The following NFATC4 variants were observed in gnomAD, a reference collection of about 807,000 sequenced individuals.
NFATC4 encodes the protein nuclear factor of activated T cells 4.
Under a neutral mutation model 73.4 loss-of-function variants are expected in NFATC4, and 25 were observed. That is an observed-to-expected ratio of 0.34 (90% CI 0.25 to 0.48). NFATC4 has a LOEUF of 0.48. NFATC4 is among the 20% of genes least tolerant of loss of function. The pLI, the probability that NFATC4 is intolerant of heterozygous loss-of-function variation, is 0.99. For missense variants in NFATC4, 1,130 were observed against 1,203.7 expected (o/e 0.94, Z 0.91); for synonymous variants, 523 against 510.3 (o/e 1.02, Z -0.34).
intron 5 of NFATC4, 107 bp from the exon 6 acceptor site, chr14:24,374,219 G>A: frequency 7.3e-7 from 1 of 1,379,300 alleles, no homozygotes. Flanking sequence ...CTGCTGAGGA[G>A]GGCTCCCTCA....
chr14:24,375,184 G>A (rs2042578298), intron 6 of NFATC4, among the ~76,000 whole-genome samples: 1 of 152,078 alleles, frequency 6.6e-6, no homozygotes. Context: ...TGGGTTCTGG[G>A]ATTACAGGCA....
At chr14:24,370,916 C>T (rs117727818) in intron 2 of NFATC4, among the ~76,000 whole-genome samples, 4 of 152,198 alleles carry the variant, frequency 2.6e-5, no homozygotes, top group Middle Eastern at 3.2e-3. Flanking sequence ...CCCAAGCCCC[C>T]GCTCTGCACT....
chr14:24,372,675 C>T (rs932577232), intron 3 of NFATC4, 72 bp downstream of exon 3: 1 of 1,575,658 alleles, frequency 6.3e-7, no homozygotes, highest in Admixed American at 1.7e-5. Context: ...AGACACATGG[C>T]ACTGCCCTTT....
chr14:24,370,179 C>G lies in NFATC4; in HGVS notation c.781C>G (p.Arg261Gly). The change falls in exon 2 of 10, where the codon CGG becomes GGG. Residue 261 changes from arginine to glycine, a missense_variant. Physicochemically the swap from Arg to Gly is moderately radical, Grantham distance 125. Coordinates refer to ENST00000250373, the MANE Select transcript of NFATC4 (RefSeq NM_004554.5). Reference sequence around the variant, plus strand: ...TCCTGGGCCCACCCCAGCCTCCCCGCGGCCTGCCTCTCCATGTGGCAAGCG... The same window carrying G: ...TCCTGGGCCCACCCCAGCCTCCCCGGGGCCTGCCTCTCCATGTGGCAAGCG... ...SAPGPTPASPRPASPCGKRRY... is the reference protein window; with the variant it reads ...SAPGPTPASPGPASPCGKRRY... The G allele has an allele frequency of 6.2e-7, 1 of 1,605,552 alleles. No homozygotes were observed. Among genetic ancestry groups the G allele is most frequent in the Non-Finnish European group, 8.5e-7 (1 of 1,179,784 alleles).
chr14:24,376,957 G>A lies in NFATC4; in HGVS notation c.2641+79G>A, dbSNP rs1359911248. 3 of 1,431,120 alleles carry A rather than the reference G, an allele frequency of 2.1e-6. No individual in the cohort carries two copies. Among genetic ancestry groups the A allele is most frequent in the Non-Finnish European group, 2.7e-6 (3 of 1,094,342 alleles). The allele number at this position is 1,431,120 out of a possible 1,614,324, so 88.7% of individuals were successfully genotyped here. On this transcript the variant is annotated intron_variant, in intron 9 of 9. Coordinates refer to ENST00000250373, the MANE Select transcript of NFATC4 (RefSeq NM_004554.5). The surrounding 1 kb of genome is among the most constrained non-coding windows in gnomAD (Gnocchi z 5.0). ...CATGTTTGCTGAGGGCTGGAGCTGG[G>A]CTTTTCAGAGATCGGGCATCCCTGG...
intron 6 of NFATC4, chr14:24,374,749 A>G (rs1334627709): frequency 1.4e-5 from 4 of 280,078 alleles, no homozygotes; most frequent in African/African-American, 2.2e-5. Context: ...TAGATAGGGT[A>G]TATGAGGAGA....
Position 24,373,166 on chromosome 14 carries a change from G to A in NFATC4, c.1360-5G>A. 6.2e-7 allele frequency: 1 copy of A among 1,613,440 alleles called. No individual in the cohort carries two copies. Among genetic ancestry groups the A allele is most frequent in the Non-Finnish European group, 8.5e-7 (1 of 1,179,458 alleles). On this transcript the variant is annotated splice_polypyrimidine_tract_variant and splice_region_variant and intron_variant, in intron 3 of 9. Coordinates refer to ENST00000250373, the MANE Select transcript of NFATC4 (RefSeq NM_004554.5). The surrounding 1 kb of genome is among the most constrained non-coding windows in gnomAD (Gnocchi z 4.7). ...AATGAGGTGGCCGCTCTCTCCCTCT[G>A]CCAGCTCCTAGGCTACAGTGAGAAG...
chr14:24,370,831 TC>T (rs1398504398), intron 2 of NFATC4, among the ~76,000 whole-genome samples: 4 of 152,238 alleles, frequency 2.6e-5, no homozygotes, highest in African/African-American at 7.2e-5. Flanking sequence ...AAAAAGCCCC[TC>T]CACCCTCCCA....
chr14:24,375,757 G>GGGCC, intron 7 of NFATC4, 42 bp downstream of exon 7: 7 of 566,424 alleles, frequency 1.2e-5, no homozygotes, highest in Non-Finnish European at 2.0e-5. Flanking sequence ...GCGGGGGTGG[G>GGGCC]AGAAGGCAGG....
Position 24,373,463 on chromosome 14 carries a change from G to T in NFATC4, c.1559+93G>T. ...AGCCCACTTCTTCCTTTTCCCAGAA[G>T]AGGTAGACATTTTTCCTAGGAGCTG... On this transcript the variant is annotated intron_variant, in intron 4 of 9. Coordinates refer to ENST00000250373, the MANE Select transcript of NFATC4 (RefSeq NM_004554.5). This position sits in a 1 kb window ranked among gnomAD's most constrained non-coding sequence, Gnocchi z 4.7. The T allele has an allele frequency of 6.7e-7, 1 of 1,481,852 alleles. No individual in the cohort carries two copies. The highest frequency in any genetic ancestry group is 1.3e-5 in the South Asian group (1 of 79,672). The allele number at this position is 1,481,852 out of a possible 1,614,324, so 91.8% of individuals were successfully genotyped here. A position where few individuals can be genotyped will look rare whatever the true frequency, so the allele number is the denominator to read the frequency against.
chr14:24,376,813 C>T lies in NFATC4; in HGVS notation c.2576C>T (p.Ser859Phe), dbSNP rs777240043. ...GAGGGGGCTCCGGAGCAGGAGAAATCCAGGGGTGGCTACAGCAGCGGCTTC... is the reference window on the plus strand; with the variant it reads ...GAGGGGGCTCCGGAGCAGGAGAAATTCAGGGGTGGCTACAGCAGCGGCTTC... ...PGEGAPEQEKSRGGYSSGFRD... is the reference protein window; with the variant it reads ...PGEGAPEQEKFRGGYSSGFRD... Residue 859 changes from serine (S) to phenylalanine (F), a missense_variant, in exon 9 of 10, where the codon TCC becomes TTC. Physicochemically the swap from Ser to Phe is radical, Grantham distance 155. This residue lies in a region of NFATC4 where 390 missense variants were observed against 408.1 expected (regional missense o/e 0.96). Transcript: ENST00000250373. The surrounding 1 kb of genome is among the most constrained non-coding windows in gnomAD (Gnocchi z 5.0). 2.5e-6 allele frequency: 4 copies of T among 1,605,830 alleles called. No individual in the cohort carries two copies. In the East Asian group the frequency reaches 8.9e-5, roughly 36 times the overall value.
chr14:24,369,143 A>G, intron 1 of NFATC4: 1 of 1,447,142 alleles, frequency 6.9e-7, no homozygotes, highest in East Asian at 2.5e-5. Context: ...AACCGCTGCT[A>G]ATTGGGTTCA....
intron 7 of NFATC4, 59 bp from the exon 8 acceptor site, chr14:24,375,916 A>G: frequency 1.9e-6 from 3 of 1,609,672 alleles, no homozygotes; most frequent in Non-Finnish European, 2.5e-6. Flanking sequence ...GGCCCCTGGA[A>G]AGGCTGGGCT....
chr14:24,366,943 G>T (rs1044168792), upstream of NFATC4: 4 of 1,549,974 alleles, frequency 2.6e-6, no homozygotes, highest in Non-Finnish European at 3.5e-6. Context: ...TCGCTTAACC[G>T]TTTAGTTGCT....
intron 3 of NFATC4, 192 bp downstream of exon 3, chr14:24,372,795 C>T (rs2042508433): frequency 3.0e-6 from 2 of 672,916 alleles, no homozygotes; most frequent in Non-Finnish European, 5.0e-6. Context: ...GTCCTTCCAC[C>T]CCCACTCAGC....
At chr14:24,369,004 G>C in intron 1 of NFATC4, 4 of 1,139,164 alleles carry the variant, frequency 3.5e-6, no homozygotes, top group South Asian at 2.2e-5. Context: ...CTGCACCTCC[G>C]CCCCTAGATG....
At chr14:24,367,978 C>T (rs1566459306), upstream of NFATC4, 3 of 1,050,572 alleles carry the variant, frequency 2.9e-6, no homozygotes, top group South Asian at 8.5e-5. Context: ...CTTGAAGGAC[C>T]GTTTTCCAAT....
chr14:24,366,912 T>C, upstream of NFATC4: 2 of 1,503,328 alleles, frequency 1.3e-6, no homozygotes, highest in Non-Finnish European at 1.8e-6. Flanking sequence ...TGAGTGTTTG[T>C]AAACGTCTGA....
rs990645469 is a variant in NFATC4, at chr14:24,370,325, G to A, written c.927G>A (p.Pro309=). Residue 309 remains proline, a synonymous_variant, in exon 2 of 10, where the codon CCG becomes CCA. Transcript: ENST00000250373. ...CCCCATTGCCTCTGGCCCGGGACCC[G>A]GGCTCCCCTGGTCCCTTTGACTATG... The part of the protein sequence containing the change: ...PPPPLPLARD[P]GSPGPFDYVG... 19 of 1,611,826 alleles carry A rather than the reference G, an allele frequency of 1.2e-5. No individual in the cohort carries two copies. Among genetic ancestry groups the A allele is most frequent in the South Asian group, 4.4e-5 (4 of 91,036 alleles).
Sources: gnomAD v4.1 joint callset for allele counts (sites outside exome capture counted in the v4.1 genomes callset) on GRCh38, gnomAD v4.1.1 for gene constraint, gnomAD v4.1.1 regional missense constraint, Gnocchi (gnomAD v3.1) non-coding constraint, MANE v1.5 for transcripts, NCBI Gene and HGNC (gene_info 2026-07-23, HGNC 2026-07-21) for gene names.